PIAS4: variants seen among roughly 807,000 people sequenced by gnomAD.
PIAS4 encodes E3 SUMO-protein ligase PIAS4.
PIAS4 carries 7 observed loss-of-function variants against 58.0 expected under a neutral mutation model. The ratio of observed to expected loss-of-function variants is 0.12; its 90% CI spans 0.07 to 0.23. The LOEUF (loss-of-function observed/expected upper bound fraction) is 0.23. Ranked by LOEUF, PIAS4 falls within the 10% of genes least tolerant of loss-of-function variation. The probability of loss-of-function intolerance (pLI) is 1.00; values close to 1 mark genes in which losing one functional copy is unlikely to be tolerated. For synonymous variants in PIAS4, 364 were observed against 312.4 expected, an observed-to-expected ratio of 1.17 and a Z score of -1.74; for missense variants, 550 against 709.5, an observed-to-expected ratio of 0.78 and a Z score of 2.55.
intron 3 of PIAS4, among the ~76,000 whole-genome samples, chr19:4,026,911 G>A (rs1318207965): frequency 1.3e-5 from 2 of 151,884 alleles, no homozygotes; most frequent in Non-Finnish European, 2.9e-5. Context: ...GCAGTGGCAC[G>A]ATCTTGGCTC....
At chr19:4,025,947 G>A (rs533638614) in intron 3 of PIAS4, among the ~76,000 whole-genome samples, 336 of 151,182 alleles carry the variant, frequency 2.2e-3, no homozygotes, top group Non-Finnish European at 3.7e-3. Context: ...GGTGACGGGC[G>A]CCTGTAGTCC....
At chr19:4,025,633 A>G (rs1043610229) in intron 3 of PIAS4, among the ~76,000 whole-genome samples, 1 of 152,054 alleles carries the variant, frequency 6.6e-6, no homozygotes, top group African/African-American at 2.4e-5. Flanking sequence ...AGGCTTGGCC[A>G]TGGAGGCCTC....
intron 7 of PIAS4, among the ~76,000 whole-genome samples, chr19:4,030,204 G>A (rs1051306584): frequency 7.0e-6 from 1 of 142,154 alleles, no homozygotes; most frequent in Non-Finnish European, 1.6e-5. Flanking sequence ...CTCAAGCAGT[G>A]CACCTGCCTC....
Position 4,038,084 on chromosome 19 carries a change from A to G in PIAS4, c.*209A>G, listed in dbSNP as rs2040321198. On this transcript the variant is annotated 3_prime_UTR_variant, in exon 11 of 11. Transcript: ENST00000262971. The surrounding 1 kb of genome is among the most constrained non-coding windows in gnomAD (Gnocchi z 4.1). ...AAGTAAAATGACAAAAAAAGATACA[A>G]AAAAGAAAAATGAAACAAAAAAGTC... 1 of 557,994 alleles carries G rather than the reference A, an allele frequency of 1.8e-6. No homozygotes were observed. The highest frequency in any genetic ancestry group is 3.0e-6 in the Non-Finnish European group (1 of 328,822). The allele number at this position is 557,994 out of a possible 1,614,324, so 34.6% of individuals were successfully genotyped here.
intron 9 of PIAS4, among the ~76,000 whole-genome samples, chr19:4,036,766 A>G (rs950762867): frequency 1.4e-5 from 2 of 146,460 alleles, no homozygotes; most frequent in Admixed American, 6.7e-5. Context: ...TATATGGTCT[A>G]CACCGTCACA....
chr19:4,017,165 AG>A (rs994986210), intron 2 of PIAS4, among the ~76,000 whole-genome samples: 1 of 152,054 alleles, frequency 6.6e-6, no homozygotes, highest in Non-Finnish European at 1.5e-5. Flanking sequence ...GTTGGGGAAC[AG>A]GGGGACTCCG....
chr19:4,011,376 G>A (rs2039990478), intron 1 of PIAS4, among the ~76,000 whole-genome samples: 1 of 152,252 alleles, frequency 6.6e-6, no homozygotes. Context: ...TCTGCAGCCT[G>A]TTGAGGAGCC....
chr19:4,012,873 C>G (rs1164922261), intron 1 of PIAS4, 50 bp from the exon 2 acceptor site: 2 of 1,551,632 alleles, frequency 1.3e-6, no homozygotes, highest in Admixed American at 1.8e-5. Flanking sequence ...ATGGAGTCCC[C>G]TGCCTCGCAG....
chr19:4,037,503 G>C lies in PIAS4; in HGVS notation c.1272G>C (p.Leu424=), dbSNP rs374694935. The C allele has an allele frequency of 6.2e-7, 1 of 1,609,790 alleles. No homozygotes were observed. Among genetic ancestry groups the C allele is most frequent in the African/African-American group, 1.3e-5 (1 of 74,898 alleles). The part of the protein sequence containing the change: ...SCSPQGAILV[L]GPSDANGLLP... ...GCCCGCAGGGCGCCATCCTCGTGCT[G>C]GGTGAGTGCCTCACCCCACCAGCCG... The change falls in exon 10 of 11, where the codon CTG becomes CTC. Residue 424 remains leucine (L), a splice_region_variant and synonymous_variant. Transcript: ENST00000262971. This position sits in a 1 kb window ranked among gnomAD's most constrained non-coding sequence, Gnocchi z 5.8.
intron 9 of PIAS4, among the ~76,000 whole-genome samples, chr19:4,034,090 T>C (rs992776114): frequency 1.3e-5 from 2 of 152,196 alleles, no homozygotes; most frequent in Admixed American, 1.3e-4. Flanking sequence ...CCTTTCTCCC[T>C]GGTGGAAGGC....
chr19:4,016,360 C>T (rs1214865455), intron 2 of PIAS4, among the ~76,000 whole-genome samples: 1 of 152,250 alleles, frequency 6.6e-6, no homozygotes, highest in African/African-American at 2.4e-5. Context: ...AGTGGAGCCC[C>T]TGTCACCACG....
intron 9 of PIAS4, among the ~76,000 whole-genome samples, chr19:4,034,347 G>C (rs1236802491): frequency 1.3e-5 from 2 of 152,136 alleles, no homozygotes; most frequent in Non-Finnish European, 2.9e-5. Context: ...GCCTGCCTCT[G>C]GGGTTGTAGA....
At chr19:4,019,011 A>C (rs1184507287) in intron 2 of PIAS4, among the ~76,000 whole-genome samples, 1 of 151,996 alleles carries the variant, frequency 6.6e-6, no homozygotes, top group Non-Finnish European at 1.5e-5. Context: ...CTGCGGAGCC[A>C]TCCCAGGGGG....
At chr19:4,023,140 C>T (rs1425770716) in intron 2 of PIAS4, among the ~76,000 whole-genome samples, 1 of 148,314 alleles carries the variant, frequency 6.7e-6, no homozygotes, top group African/African-American at 2.5e-5. Context: ...CTATTGCAGT[C>T]CAGCCTGGGC....
rs182305078 is a variant in PIAS4 at position 4,013,424 on chromosome 19, C to A, written c.454+75C>A. ...CGTCGCCCAGCCCAGCCCAGCCACA[C>A]AGCCGACTTCGAGTGATGTTCTCTG... On this transcript the variant is annotated intron_variant, in intron 2 of 10. Coordinates refer to ENST00000262971, the MANE Select transcript of PIAS4 (RefSeq NM_015897.4). This position sits in a 1 kb window ranked among gnomAD's most constrained non-coding sequence, Gnocchi z 5.1. The A allele has an allele frequency of 5.3e-6, 7 of 1,330,644 alleles. No individual in the cohort carries two copies. The highest frequency in any genetic ancestry group is 7.3e-6 in the Non-Finnish European group (7 of 955,592). The allele number at this position is 1,330,644 out of a possible 1,614,324, so 82.4% of individuals were successfully genotyped here.
chr19:4,024,444 C>T (rs1407970637), intron 3 of PIAS4, among the ~76,000 whole-genome samples: 5 of 152,224 alleles, frequency 3.3e-5, no homozygotes, highest in Non-Finnish European at 7.3e-5. Flanking sequence ...CCTCCACCCA[C>T]GCCATGACAA....
chr19:4,029,140 A>AG (rs2040198477), intron 7 of PIAS4, 104 bp downstream of exon 7: 1 of 784,164 alleles, frequency 1.3e-6, no homozygotes, highest in Non-Finnish European at 2.1e-6. Context: ...GAGATCGATC[A>AG]GGGGCCGCCT....
intron 7 of PIAS4, among the ~76,000 whole-genome samples, chr19:4,031,157 C>T (rs1280688851): frequency 2.0e-5 from 3 of 151,858 alleles, no homozygotes; most frequent in African/African-American, 7.3e-5. Flanking sequence ...CCTGGCACAG[C>T]CAGGCCCAGG....
In PIAS4 at chr19:4,038,153, C is replaced by T. The variant is rs997050643; in HGVS notation, c.*278C>T. ...CCGGCCACCCACACAGCCGCCTCCC[C>T]GGCTGGAGTCCGAGCCGGGAAGGGG... is the stretch of plus-strand genomic sequence containing the variant. On this transcript the variant is annotated 3_prime_UTR_variant, in exon 11 of 11. Transcript: ENST00000262971. This position sits in a 1 kb window ranked among gnomAD's most constrained non-coding sequence, Gnocchi z 4.1. 16 of 392,708 alleles carry T rather than the reference C, an allele frequency of 4.1e-5. No homozygotes were observed. Among genetic ancestry groups the T allele is most frequent in the African/African-American group, 1.1e-4 (5 of 46,056 alleles). The allele number at this position is 392,708 out of a possible 1,614,324, so 24.3% of individuals were successfully genotyped here.
Sources: allele counts gnomAD v4.1 joint callset (sites outside exome capture counted in the v4.1 genomes callset), GRCh38; gene constraint gnomAD v4.1.1; non-coding constraint Gnocchi (gnomAD v3.1); transcripts MANE v1.5; gene names NCBI Gene and HGNC (gene_info 2026-07-23, HGNC 2026-07-21).